ZNF697: variants seen among roughly 807,000 people sequenced by gnomAD.
The protein encoded by ZNF697 is zinc finger protein 697.
ZNF697 carries 23 observed loss-of-function variants against 32.4 expected under a neutral mutation model. That is an observed-to-expected ratio of 0.71 (90% CI 0.51 to 1.01). The LOEUF is 1.01. Ranked by LOEUF, ZNF697 falls within the 50% of genes least tolerant of loss-of-function variation. The pLI is 0.00. For missense variants in ZNF697, 930 were observed against 794.0 expected (o/e 1.17, Z -2.06); for synonymous variants, 418 against 337.2 (o/e 1.24, Z -2.62).
At position 119,622,018 on chromosome 1, in the gene ZNF697, G is replaced by GA. The variant is rs1177060583; in HGVS notation, c.*686dup. The GA allele has an allele frequency of 1.3e-5, 2 of 152,626 alleles. No individual in the cohort carries two copies. The highest frequency in any genetic ancestry group is 2.9e-5 in the Non-Finnish European group (2 of 68,048). The allele number at this position is 152,626 out of a possible 1,614,324, so 9.5% of individuals were successfully genotyped here. On this transcript the variant is annotated 3_prime_UTR_variant, in exon 3 of 3. Transcript: ENST00000421812. ...AGGAAGTAGCAAAGAACCCGGGACAGAATCAGGATTTCCCACATCAGAGAA... is the reference window on the plus strand; with the variant it reads ...AGGAAGTAGCAAAGAACCCGGGACAGAAATCAGGATTTCCCACATCAGAGAA...
intron 2 of ZNF697, among the ~76,000 whole-genome samples, chr1:119,625,335 C>G (rs1311176210): frequency 1.3e-5 from 2 of 152,154 alleles, no homozygotes; most frequent in African/African-American, 4.8e-5. Flanking sequence ...GGTGGAGGCC[C>G]AGCATTCACT....
chr1:119,635,120 C>T (rs911999390), intron 1 of ZNF697, among the ~76,000 whole-genome samples: 2 of 152,068 alleles, frequency 1.3e-5, no homozygotes, highest in Admixed American at 1.3e-4. Context: ...TATATATTTA[C>T]TAGAAAGCTT....
chr1:119,624,404 G>C (rs930060688), intron 2 of ZNF697, among the ~76,000 whole-genome samples: 4 of 152,198 alleles, frequency 2.6e-5, no homozygotes, highest in Non-Finnish European at 5.9e-5. Context: ...GCCATCTGAA[G>C]GCCTGACTGC....
chr1:119,639,836 G>T (rs986892436), intron 1 of ZNF697, among the ~76,000 whole-genome samples: 1 of 152,012 alleles, frequency 6.6e-6, no homozygotes, highest in Admixed American at 6.5e-5. Flanking sequence ...TTCAGCCTGG[G>T]TGACAGAGCA....
Position 119,623,793 on chromosome 1 carries a change from TGCTG to T in ZNF697, c.546_549del (p.Ile184TrpfsTer53). 3 of 1,547,596 alleles carry T rather than the reference TGCTG, an allele frequency of 1.9e-6. No homozygotes were observed. Among genetic ancestry groups the T allele is most frequent in the South Asian group, 1.2e-5 (1 of 83,748 alleles). On this transcript the variant is annotated frameshift_variant, in exon 3 of 3. Coordinates refer to ENST00000421812, the MANE Select transcript of ZNF697 (RefSeq NM_001080470.2). LOFTEE classifies it high-confidence loss of function. The stretch of plus-strand genomic sequence containing the variant: ...GGGCAGATGGTGGGCGCGTCCATGA[TGCTG>T]GCCACCAGGCTATCCAGCTCCCCGA...
chr1:119,629,229 T>C (rs751585358), intron 1 of ZNF697, among the ~76,000 whole-genome samples: 3 of 152,318 alleles, frequency 2.0e-5, no homozygotes, highest in Middle Eastern at 3.4e-3. Flanking sequence ...TTTAACATGA[T>C]AGAAGATGTT....
Position 119,626,572 on chromosome 1 carries a change from ACT to A in ZNF697, c.-37-437_-37-436del, listed in dbSNP as rs587713595. 7.2e-5 allele frequency among the ~76,000 whole-genome samples: 11 copies of A among 152,248 alleles called. No homozygotes were observed. In the East Asian group the frequency reaches 2.1e-3, roughly 29 times the overall value. On this transcript the variant is annotated intron_variant, in intron 1 of 2. Transcript: ENST00000421812. ...TGCCTCAAAGTTCCATGCTTTTCAT[ACT>A]CTTATTAAGCTTGCTCGCCTCCAGC... is the stretch of plus-strand genomic sequence containing the variant.
At chr1:119,639,821 T>C (rs1570948264) in intron 1 of ZNF697, among the ~76,000 whole-genome samples, 2 of 151,938 alleles carry the variant, frequency 1.3e-5, no homozygotes, top group Middle Eastern at 3.5e-3. Flanking sequence ...TTCACACCAC[T>C]GGACTTCAGC....
intron 1 of ZNF697, among the ~76,000 whole-genome samples, chr1:119,637,782 C>A (rs961326559): frequency 2.0e-5 from 3 of 152,086 alleles, no homozygotes; most frequent in Non-Finnish European, 2.9e-5. Flanking sequence ...GGATTCTCTG[C>A]TGTTTTTACT....
intron 2 of ZNF697, 132 bp downstream of exon 2, chr1:119,625,743 A>T: frequency 1.6e-6 from 2 of 1,267,116 alleles, no homozygotes; most frequent in Non-Finnish European, 2.1e-6. Flanking sequence ...GCAAGTCAGT[A>T]CAGAATCCTG....
At chr1:119,636,647 AC>A (rs1648931824) in intron 1 of ZNF697, among the ~76,000 whole-genome samples, 1 of 152,024 alleles carries the variant, frequency 6.6e-6, no homozygotes, top group Non-Finnish European at 1.5e-5. Flanking sequence ...CTCACCTAAC[AC>A]CCTATTTTAC....
intron 1 of ZNF697, among the ~76,000 whole-genome samples, chr1:119,636,348 A>G (rs1430573542): frequency 6.6e-6 from 1 of 152,204 alleles, no homozygotes; most frequent in African/African-American, 2.4e-5. Context: ...GATCCGTGGA[A>G]CGAAAACAAA....
chr1:119,620,941 T>C lies in ZNF697; in HGVS notation c.*1764A>G, dbSNP rs1204981396. 1 of 150,374 alleles carries C rather than the reference T, an allele frequency of 6.7e-6. No individual in the cohort carries two copies. Among genetic ancestry groups the C allele is most frequent in the African/African-American group, 2.5e-5 (1 of 39,732 alleles). 9.3% of individuals were successfully genotyped at this position (150,374 alleles called of 1,614,324 possible). ...TGTGAAGATGCTTCCATGAAATGTG[T>C]AGGGTAACAATCACTAGAGAAGAAA... is the stretch of plus-strand genomic sequence containing the variant. On this transcript the variant is annotated 3_prime_UTR_variant, in exon 3 of 3. Coordinates refer to ENST00000421812, the MANE Select transcript of ZNF697 (RefSeq NM_001080470.2).
At chr1:119,632,229 C>A (rs1209282814) in intron 1 of ZNF697, among the ~76,000 whole-genome samples, 4 of 152,206 alleles carry the variant, frequency 2.6e-5, no homozygotes. Context: ...GCACCTTACA[C>A]AGAATGTGTC....
rs988862402 is a variant in ZNF697 at position 119,620,148 on chromosome 1, G to C, written c.*2557C>G. On this transcript the variant is annotated 3_prime_UTR_variant, in exon 3 of 3. Transcript: ENST00000421812. ...GTTGGTAGTTGGATTGTTTTCTTCTGCTAAGAATGTGCTCATAGAAGGGAT... is the reference window on the plus strand; with the variant it reads ...GTTGGTAGTTGGATTGTTTTCTTCTCCTAAGAATGTGCTCATAGAAGGGAT... 6.6e-6 allele frequency: 1 copy of C among 152,608 alleles called. No homozygotes were observed. Among genetic ancestry groups the C allele is most frequent in the African/African-American group, 2.4e-5 (1 of 41,444 alleles). The allele number at this position is 152,608 out of a possible 1,614,324, so 9.5% of individuals were successfully genotyped here.
chr1:119,644,273 C>T (rs1319336589), intron 1 of ZNF697, among the ~76,000 whole-genome samples: 1 of 152,214 alleles, frequency 6.6e-6, no homozygotes, highest in Non-Finnish European at 1.5e-5. Flanking sequence ...TCCAAACACA[C>T]ACAGTTCTTT....
In ZNF697 at chr1:119,625,867, C is replaced by G. The variant is rs750375195; in HGVS notation, c.226+8G>C. 5 of 1,613,002 alleles carry G rather than the reference C, an allele frequency of 3.1e-6. No individual in the cohort carries two copies. In the East Asian group the frequency reaches 6.7e-5, roughly 22 times the overall value. On this transcript the variant is annotated splice_region_variant and intron_variant, in intron 2 of 2. Transcript: ENST00000421812. ...CAACTTGCATAGAAATCCCAGCTTT[C>G]TCCTCACCTGTGCAGATGTCGGGCA...
chr1:119,636,410 A>G (rs932200769), intron 1 of ZNF697, among the ~76,000 whole-genome samples: 9 of 112,658 alleles, frequency 8.0e-5, no homozygotes, highest in Non-Finnish European at 1.2e-4. Flanking sequence ...TTTCCTTATC[A>G]TAACAATTCA....
chr1:119,647,126 C>T (rs1270006714), intron 1 of ZNF697, among the ~76,000 whole-genome samples: 1 of 152,100 alleles, frequency 6.6e-6, no homozygotes, highest in Non-Finnish European at 1.5e-5. Context: ...AAAGGAAAAT[C>T]GTGGAAAGTC....
Sources: allele counts gnomAD v4.1 joint callset (sites outside exome capture counted in the v4.1 genomes callset), GRCh38; gene constraint gnomAD v4.1.1; transcripts MANE v1.5; gene names NCBI Gene and HGNC (gene_info 2026-07-23, HGNC 2026-07-21).